The following DLGAP1 variants were observed in gnomAD, a reference collection of about 807,000 sequenced individuals.
The protein encoded by DLGAP1 is DLG associated protein 1.
DLGAP1 carries 11 observed loss-of-function variants against 90.8 expected under a neutral mutation model. That is an observed-to-expected ratio of 0.12 (90% CI 0.08 to 0.20). The LOEUF (loss-of-function observed/expected upper bound fraction) is 0.20. DLGAP1 is among the 10% of genes least tolerant of loss of function. The pLI is 1.00. For missense variants in DLGAP1, 1,050 were observed against 1,333.8 expected (o/e 0.79, Z 3.31); for synonymous variants, 558 against 540.7 (o/e 1.03, Z -0.44).
At chr18:4,076,484 T>C (rs2143543199) in intron 2 of DLGAP1, among the ~76,000 whole-genome samples, 1 of 152,296 alleles carries the variant, frequency 6.6e-6, no homozygotes, top group Non-Finnish European at 1.5e-5. Context: ...TTGCATCCTA[T>C]ATTTGGAGGC....
At chr18:4,062,456 C>T (rs1296339328) in intron 2 of DLGAP1, among the ~76,000 whole-genome samples, 2 of 152,102 alleles carry the variant, frequency 1.3e-5, no homozygotes, top group Admixed American at 6.5e-5. Flanking sequence ...CCAGGAGCTC[C>T]AAGTTATCTT....
intron 7 of DLGAP1, among the ~76,000 whole-genome samples, chr18:3,679,110 G>A (rs989286705): frequency 1.3e-5 from 2 of 152,122 alleles, no homozygotes; most frequent in Admixed American, 1.3e-4. Context: ...GGGATTACAG[G>A]CGCATGCCAC....
At chr18:4,222,003 C>T (rs564931054) in intron 1 of DLGAP1, among the ~76,000 whole-genome samples, 1 of 152,088 alleles carries the variant, frequency 6.6e-6, no homozygotes, top group African/African-American at 2.4e-5. Flanking sequence ...TTGTTGTTGC[C>T]CCTCAGTCCT....
intron 4 of DLGAP1, among the ~76,000 whole-genome samples, chr18:3,872,652 G>C (rs969981796): frequency 6.6e-6 from 1 of 152,128 alleles, no homozygotes; most frequent in South Asian, 2.1e-4. Context: ...TAAAAAACCT[G>C]ACACAAAAGA....
intron 10 of DLGAP1, among the ~76,000 whole-genome samples, chr18:3,525,921 A>T (rs188985427): frequency 1.3e-5 from 2 of 152,268 alleles, no homozygotes; most frequent in East Asian, 3.9e-4. Flanking sequence ...ACCCTCAAGA[A>T]GCACATCCAC....
At chr18:3,787,764 T>C (rs1467074107) in intron 5 of DLGAP1, among the ~76,000 whole-genome samples, 1 of 152,086 alleles carries the variant, frequency 6.6e-6, no homozygotes, top group Non-Finnish European at 1.5e-5. Flanking sequence ...TACCCCAAAA[T>C]ATGGCACTTT....
intron 1 of DLGAP1, among the ~76,000 whole-genome samples, chr18:4,390,558 A>G (rs2082320737): frequency 6.6e-6 from 1 of 152,132 alleles, no homozygotes; most frequent in African/African-American, 2.4e-5. Context: ...GGTGACCACA[A>G]ATCCTTTTAC....
intron 10 of DLGAP1, among the ~76,000 whole-genome samples, chr18:3,514,111 T>TC (rs1207948187): frequency 6.7e-6 from 1 of 148,370 alleles, no homozygotes; most frequent in Non-Finnish European, 1.5e-5. Context: ...GACTGCTTCT[T>TC]TTTTTTTTTT....
intron 1 of DLGAP1, among the ~76,000 whole-genome samples, chr18:4,297,109 G>T (rs1041187462): frequency 6.6e-6 from 1 of 152,156 alleles, no homozygotes; most frequent in African/African-American, 2.4e-5. Flanking sequence ...AGATGCTATA[G>T]AAAATGGTGG....
At chr18:4,399,020 A>G (rs2144508890) in intron 1 of DLGAP1, among the ~76,000 whole-genome samples, 1 of 152,156 alleles carries the variant, frequency 6.6e-6, no homozygotes, top group South Asian at 2.1e-4. Flanking sequence ...TTAGTAGAGA[A>G]GGGTTTTCAT....
At chr18:3,789,601 CTG>C (rs1313729796) in intron 5 of DLGAP1, among the ~76,000 whole-genome samples, 25 of 152,212 alleles carry the variant, frequency 1.6e-4, no homozygotes, top group Middle Eastern at 6.8e-3. Context: ...CCAAAAGACA[CTG>C]AGAAAATGTC....
At chr18:3,726,204 G>A (rs996728556) in intron 7 of DLGAP1, among the ~76,000 whole-genome samples, 6 of 152,148 alleles carry the variant, frequency 3.9e-5, no homozygotes, top group African/African-American at 9.7e-5. Context: ...CTACTAAACC[G>A]AGATGTGCAT....
intron 7 of DLGAP1, among the ~76,000 whole-genome samples, chr18:3,599,647 G>A (rs1238491696): frequency 2.0e-5 from 3 of 152,208 alleles, no homozygotes; most frequent in African/African-American, 7.2e-5. Flanking sequence ...TTTTGAGACA[G>A]TCTCACTCTG....
At chr18:3,902,641 G>A (rs1219090359) in intron 3 of DLGAP1, among the ~76,000 whole-genome samples, 1 of 152,136 alleles carries the variant, frequency 6.6e-6, no homozygotes, top group Admixed American at 6.5e-5. Context: ...CCCCCACCGT[G>A]CATTAGCATG....
chr18:3,887,972 G>A (rs1420122824), intron 3 of DLGAP1, among the ~76,000 whole-genome samples: 4 of 151,674 alleles, frequency 2.6e-5, no homozygotes, highest in Non-Finnish European at 5.9e-5. Flanking sequence ...GCCAGGCGTG[G>A]TGGCGGGCGC....
At chr18:3,535,434 G>T (rs1401366362) in intron 9 of DLGAP1, among the ~76,000 whole-genome samples, 1 of 152,162 alleles carries the variant, frequency 6.6e-6, no homozygotes, top group African/African-American at 2.4e-5. Context: ...AGGGCCGGGC[G>T]TGGTGGCTCA....
chr18:4,105,800 G>A (rs968068902), intron 2 of DLGAP1, among the ~76,000 whole-genome samples: 12 of 152,214 alleles, frequency 7.9e-5, no homozygotes, highest in African/African-American at 1.4e-4. Context: ...GGAGGCCGAG[G>A]TGGGCGGATC....
At chr18:4,240,390 C>T (rs1456570562) in intron 1 of DLGAP1, among the ~76,000 whole-genome samples, 1 of 151,486 alleles carries the variant, frequency 6.6e-6, no homozygotes, top group East Asian at 1.9e-4. Context: ...AAAATACAAT[C>T]AAAATAAAGA....
At chr18:4,449,096 G>A (rs889411104) in intron 1 of DLGAP1, among the ~76,000 whole-genome samples, 2 of 152,088 alleles carry the variant, frequency 1.3e-5, no homozygotes, top group Non-Finnish European at 2.9e-5. Flanking sequence ...TTATAATTAC[G>A]TATCAGACTC....
Sources: allele counts gnomAD v4.1 joint callset (sites outside exome capture counted in the v4.1 genomes callset), GRCh38; gene constraint gnomAD v4.1.1; transcripts MANE v1.5; gene names NCBI Gene and HGNC (gene_info 2026-07-23, HGNC 2026-07-21).